The following RASAL2 variants were observed in gnomAD, a reference collection of about 807,000 sequenced individuals.
RASAL2 encodes ras GTPase-activating protein nGAP.
In RASAL2, 58 loss-of-function variants were observed where a neutral mutation model predicts 128.9. The observed-to-expected ratio is 0.45, with a 90% CI of 0.36 to 0.56. The LOEUF is 0.56. RASAL2 is among the 20% of genes least tolerant of loss of function. The probability of loss-of-function intolerance (pLI) is 0.00; values close to 1 mark genes in which losing one functional copy is unlikely to be tolerated. For synonymous variants in RASAL2, 561 were observed against 580.8 expected, an observed-to-expected ratio of 0.97 and a Z score of 0.49; for missense variants, 1,360 against 1,601.6, an observed-to-expected ratio of 0.85 and a Z score of 2.57.
chr1:178,272,251 A>G (rs183688048), intron 1 of RASAL2, among the ~76,000 whole-genome samples: 2 of 152,316 alleles, frequency 1.3e-5, no homozygotes, highest in East Asian at 3.9e-4. Context: ...CTTAAAAATA[A>G]AGGAGAAGCT....
intron 8 of RASAL2, among the ~76,000 whole-genome samples, chr1:178,444,625 G>T (rs1676876590): frequency 6.6e-6 from 1 of 152,078 alleles, no homozygotes; most frequent in Non-Finnish European, 1.5e-5. Context: ...GACTGTTGAG[G>T]AATGAAGCAG....
intron 16 of RASAL2, 132 bp downstream of exon 16, chr1:178,466,254 G>T: frequency 1.3e-6 from 1 of 779,662 alleles, no homozygotes; most frequent in Admixed American, 3.7e-5. Flanking sequence ...TGTGATAATT[G>T]ACTGTATCTC....
intron 13 of RASAL2, 34 bp downstream of exon 13, chr1:178,456,933 G>A (rs774366499): frequency 2.5e-6 from 4 of 1,585,964 alleles, no homozygotes; most frequent in Admixed American, 3.4e-5. Context: ...CTATCTCGGA[G>A]AAACATAATG....
Position 178,439,595 on chromosome 1 carries a change from A to T in RASAL2, c.828+20A>T. 1 of 1,606,422 alleles carries T rather than the reference A, an allele frequency of 6.2e-7. No individual in the cohort carries two copies. Among genetic ancestry groups the T allele is most frequent in the South Asian group, 1.1e-5 (1 of 89,878 alleles). ...TTTGAGGTAAAAATAAAGTGTAGAA[A>T]AAAGGAAGAGTAGTTAAACAACAAT... is the stretch of plus-strand genomic sequence containing the variant. On this transcript the variant is annotated intron_variant, in intron 6 of 17. Transcript: ENST00000367649.
At chr1:178,392,387 A>G (rs963132549) in intron 4 of RASAL2, among the ~76,000 whole-genome samples, 1 of 152,176 alleles carries the variant, frequency 6.6e-6, no homozygotes, top group African/African-American at 2.4e-5. Flanking sequence ...TCCAGGGATT[A>G]TAGAAAGAAC....
At chr1:178,309,246 A>ATTTGGG (rs1441817021) in intron 3 of RASAL2, among the ~76,000 whole-genome samples, 2 of 152,108 alleles carry the variant, frequency 1.3e-5, no homozygotes, top group Non-Finnish European at 2.9e-5. Flanking sequence ...TTTCTTTGAA[A>ATTTGGG]TTTCCTTAAA....
At chr1:178,258,044 C>T (rs1024024438) in intron 1 of RASAL2, among the ~76,000 whole-genome samples, 1 of 151,590 alleles carries the variant, frequency 6.6e-6, no homozygotes, top group Non-Finnish European at 1.5e-5. Flanking sequence ...CCTGTAATCC[C>T]AGCACTTTGG....
chr1:178,349,397 C>G (rs1350978124), intron 3 of RASAL2, among the ~76,000 whole-genome samples: 1 of 152,010 alleles, frequency 6.6e-6, no homozygotes, highest in African/African-American at 2.4e-5. Context: ...GCACTCCAGC[C>G]TGGCGACAGA....
At chr1:178,370,088 T>C (rs2102513247) in intron 3 of RASAL2, among the ~76,000 whole-genome samples, 1 of 152,338 alleles carries the variant, frequency 6.6e-6, no homozygotes, top group African/African-American at 2.4e-5. Context: ...ATCTTTGAGC[T>C]TCTACTGTGT....
At chr1:178,340,150 G>A (rs546208660) in intron 3 of RASAL2, among the ~76,000 whole-genome samples, 1 of 151,942 alleles carries the variant, frequency 6.6e-6, no homozygotes, top group East Asian at 1.9e-4. Context: ...CATATCTAAT[G>A]TGTAAGATAT....
At chr1:178,115,707 C>G (rs964918237) in intron 1 of RASAL2, among the ~76,000 whole-genome samples, 3 of 152,152 alleles carry the variant, frequency 2.0e-5, no homozygotes, top group Non-Finnish European at 4.4e-5. Flanking sequence ...TTCAAAAAGA[C>G]CACTCTGGTT....
chr1:178,384,424 A>G (rs1672442442), intron 3 of RASAL2, among the ~76,000 whole-genome samples: 1 of 152,124 alleles, frequency 6.6e-6, no homozygotes, highest in Non-Finnish European at 1.5e-5. Flanking sequence ...CAGAGAGAGT[A>G]ATAATTGTTA....
chr1:178,368,041 A>G (rs1036731293), intron 3 of RASAL2, among the ~76,000 whole-genome samples: 1 of 152,216 alleles, frequency 6.6e-6, no homozygotes, highest in African/African-American at 2.4e-5. Context: ...GTGCTATAAC[A>G]GTGGAGTTAA....
intron 5 of RASAL2, among the ~76,000 whole-genome samples, chr1:178,423,592 C>T (rs937491846): frequency 1.3e-5 from 2 of 152,002 alleles, no homozygotes; most frequent in South Asian, 2.1e-4. Context: ...CAGAGAAATT[C>T]GTAAGTTGCC....
chr1:178,145,825 C>T (rs923950693), intron 1 of RASAL2, among the ~76,000 whole-genome samples: 1 of 152,120 alleles, frequency 6.6e-6, no homozygotes, highest in African/African-American at 2.4e-5. Context: ...TCAATGACTC[C>T]ACCCTTCAGT....
chr1:178,195,715 T>G (rs1558107947), intron 1 of RASAL2, among the ~76,000 whole-genome samples: 1 of 152,210 alleles, frequency 6.6e-6, no homozygotes. Flanking sequence ...TCATTTTTTA[T>G]GACATCAGAA....
At chr1:178,211,851 T>TTG (rs1256155597) in intron 1 of RASAL2, among the ~76,000 whole-genome samples, 1 of 152,216 alleles carries the variant, frequency 6.6e-6, no homozygotes, top group East Asian at 1.9e-4. Flanking sequence ...TAACAGTTAC[T>TTG]TGTGTCCATG....
At position 178,473,442 on chromosome 1, in the gene RASAL2, A is replaced by G. The variant is rs548871179; in HGVS notation, c.*203A>G. 73 of 618,622 alleles carry G rather than the reference A, an allele frequency of 1.2e-4. 1 individual carries two copies. The Middle Eastern group carries it at 1.3e-3, about 11-fold the overall frequency. 38.3% of individuals were successfully genotyped at this position (618,622 alleles called of 1,614,324 possible). On this transcript the variant is annotated 3_prime_UTR_variant, in exon 18 of 18. Coordinates refer to ENST00000367649, the MANE Select transcript of RASAL2 (RefSeq NM_170692.4). ...GTCAATGCTTTTCCCCCACATCTCTATGTACATAGGGAACTTAGTTCTGGG... is the reference window on the plus strand; with the variant it reads ...GTCAATGCTTTTCCCCCACATCTCTGTGTACATAGGGAACTTAGTTCTGGG...
At chr1:178,153,122 T>A (rs1254519050) in intron 1 of RASAL2, among the ~76,000 whole-genome samples, 1 of 152,194 alleles carries the variant, frequency 6.6e-6, no homozygotes, top group Non-Finnish European at 1.5e-5. Flanking sequence ...CTTTTTGTAA[T>A]GTTTTGTCAA....
Sources: gnomAD v4.1 joint callset for allele counts (sites outside exome capture counted in the v4.1 genomes callset) on GRCh38, gnomAD v4.1.1 for gene constraint, MANE v1.5 for transcripts, NCBI Gene and HGNC (gene_info 2026-07-23, HGNC 2026-07-21) for gene names.